PDS5A: variants seen among roughly 807,000 people sequenced by gnomAD.
PDS5A encodes the protein PDS5 cohesin associated factor A, also known as sister chromatid cohesion protein PDS5 homolog A.
PDS5A carries 42 observed loss-of-function variants against 167.1 expected under a neutral mutation model. The ratio of observed to expected loss-of-function variants is 0.25; its 90% CI spans 0.20 to 0.33. The LOEUF (loss-of-function observed/expected upper bound fraction) is 0.33, where lower values mean the gene tolerates loss of function less well. PDS5A is among the 10% of genes least tolerant of loss of function. PDS5A has a pLI of 1.00. For synonymous variants in PDS5A, 553 were observed against 554.6 expected, an observed-to-expected ratio of 1.00 and a Z score of 0.04; for missense variants, 1,033 against 1,605.9, an observed-to-expected ratio of 0.64 and a Z score of 6.10.
At chr4:39,884,017 C>T (rs111901032) in intron 17 of PDS5A, among the ~76,000 whole-genome samples, 3,065 of 151,946 alleles carry the variant, frequency 0.02, 112 homozygotes, top group African/African-American at 0.071. Flanking sequence ...CAACCTCCGC[C>T]TCCTAGGTTC....
intron 17 of PDS5A, among the ~76,000 whole-genome samples, chr4:39,887,921 C>A (rs1721619735): frequency 6.6e-6 from 1 of 151,784 alleles, no homozygotes; most frequent in African/African-American, 2.4e-5. Flanking sequence ...ACCAGACAAA[C>A]AAAAAATCAA....
At chr4:39,947,191 C>T (rs984537340) in intron 2 of PDS5A, among the ~76,000 whole-genome samples, 4 of 152,092 alleles carry the variant, frequency 2.6e-5, no homozygotes, top group South Asian at 2.1e-4. Context: ...TGGTGGTTCA[C>T]GCCTGTAATC....
intron 2 of PDS5A, among the ~76,000 whole-genome samples, chr4:39,949,022 G>C (rs1202291898): frequency 6.6e-6 from 1 of 152,008 alleles, no homozygotes; most frequent in Non-Finnish European, 1.5e-5. Context: ...ATGAAAGCCA[G>C]GCATGGTGGC....
In PDS5A at chr4:39,913,665, T is replaced by C. The variant is rs1478963053; in HGVS notation, c.938A>G (p.Lys313Arg). Residue 313 changes from lysine (K) to arginine (R), a missense_variant, in exon 9 of 33, where the codon AAA becomes AGA. By Grantham distance (26) the Lys-to-Arg change is conservative. Around this residue, in one of 4 missense-constraint regions of PDS5A, gnomAD observed 388 missense variants for 615.1 expected, o/e 0.63. Coordinates refer to ENST00000303538, the MANE Select transcript of PDS5A (RefSeq NM_001100399.2). ...ATTCTGTGTTGCCAAATCAGAATCTTTGGAGCCAAACAATTTAGCTAGAAG... is the reference window on the plus strand; with the variant it reads ...ATTCTGTGTTGCCAAATCAGAATCTCTGGAGCCAAACAATTTAGCTAGAAG... The part of the protein sequence containing the change: ...VRLLAKLFGS[K>R]DSDLATQNRP... 1.3e-5 allele frequency: 21 copies of C among 1,612,780 alleles called. No individual in the cohort carries two copies. The highest frequency in any genetic ancestry group is 1.8e-5 in the Non-Finnish European group (21 of 1,178,826).
At chr4:39,836,894 T>A (rs1048304960) in intron 32 of PDS5A, 8 of 150,790 alleles carry the variant, frequency 5.3e-5, no homozygotes, top group African/African-American at 1.9e-4. Context: ...CTGCAACCTC[T>A]GCCTCCTGGG....
intron 2 of PDS5A, among the ~76,000 whole-genome samples, chr4:39,965,772 G>A (rs572915335): frequency 3.7e-4 from 57 of 152,296 alleles, no homozygotes; most frequent in African/African-American, 1.3e-3. Context: ...GTTGTTGCCA[G>A]GAGCTGGGGA....
chr4:39,923,702 C>T (rs1049679252), intron 5 of PDS5A, among the ~76,000 whole-genome samples: 4 of 148,376 alleles, frequency 2.7e-5, no homozygotes, highest in Non-Finnish European at 3.0e-5. Context: ...AACACTTCTG[C>T]TTACATGCCC....
At chr4:39,825,828 T>C (rs1715253163) in intron 32 of PDS5A, among the ~76,000 whole-genome samples, 1 of 152,118 alleles carries the variant, frequency 6.6e-6, no homozygotes, top group African/African-American at 2.4e-5. Context: ...CTTCAACTCC[T>C]GAGCTCAAGC....
rs1333144278 is a variant in PDS5A at position 39,869,563 on chromosome 4, C to G, written c.2437-101G>C. On this transcript the variant is annotated intron_variant, in intron 21 of 32. Transcript: ENST00000303538. The stretch of plus-strand genomic sequence containing the variant: ...TTGATCAACACAGCCTCTGAGAAAC[C>G]TACGGGAACATCACCAACCAGAGCT... 3 of 735,840 alleles carry G rather than the reference C, an allele frequency of 4.1e-6. No individual in the cohort carries two copies. The East Asian group carries it at 7.4e-5, about 18-fold the overall frequency. 45.6% of individuals were successfully genotyped at this position (735,840 alleles called of 1,614,324 possible). A position where few individuals can be genotyped will look rare whatever the true frequency, so the allele number is the denominator to read the frequency against.
rs377540159 is a variant in PDS5A, at chr4:39,849,659, G to A, written c.3087-7C>T. ...AAGCATGAACCATAGGCACCTAAATGTAAACATATTAAAGAGACTAGACGT... is the reference window on the plus strand; with the variant it reads ...AAGCATGAACCATAGGCACCTAAATATAAACATATTAAAGAGACTAGACGT... On this transcript the variant is annotated splice_region_variant and splice_polypyrimidine_tract_variant and intron_variant, in intron 26 of 32. Transcript: ENST00000303538. The A allele has an allele frequency of 1.6e-5, 25 of 1,601,232 alleles. No individual in the cohort carries two copies. The highest frequency in any genetic ancestry group is 2.1e-5 in the Non-Finnish European group (24 of 1,169,460).
chr4:39,876,850 C>T, intron 19 of PDS5A, 143 bp downstream of exon 19: 3 of 539,400 alleles, frequency 5.6e-6, no homozygotes, highest in Non-Finnish European at 9.6e-6. Context: ...AAAGACAAAG[C>T]AGAGGAGGAC....
chr4:39,872,199 AG>A (rs1720101832), intron 21 of PDS5A, among the ~76,000 whole-genome samples: 2 of 132,106 alleles, frequency 1.5e-5, no homozygotes, highest in African/African-American at 5.6e-5. Context: ...TTTTTGAGAC[AG>A]AGTTTCGCTC....
At chr4:39,866,112 TTTTATTTA>T (rs969434428) in intron 23 of PDS5A, among the ~76,000 whole-genome samples, 1 of 152,122 alleles carries the variant, frequency 6.6e-6, no homozygotes. Flanking sequence ...CAATTTTTAT[TTTTATTTA>T]TTTATTTATT....
At chr4:39,949,821 G>GAAAAAAGAAAAAAA (rs1553907229) in intron 2 of PDS5A, among the ~76,000 whole-genome samples, 1 of 67,186 alleles carries the variant, frequency 1.5e-5, no homozygotes, top group Non-Finnish European at 2.6e-5. Context: ...CTCTGTCTCA[G>GAAAAAAGAAAAAAA]AAAAAAAAAA....
intron 17 of PDS5A, among the ~76,000 whole-genome samples, chr4:39,880,992 T>C (rs908651545): frequency 4.6e-5 from 7 of 152,128 alleles, no homozygotes; most frequent in Non-Finnish European, 1.0e-4. Context: ...TCTGTTCTGT[T>C]CTTTGCTTCT....
intron 16 of PDS5A, among the ~76,000 whole-genome samples, chr4:39,895,557 T>C (rs1722331614): frequency 6.6e-6 from 1 of 152,158 alleles, no homozygotes; most frequent in Non-Finnish European, 1.5e-5. Context: ...AAGTGGTGAG[T>C]GAATGTGAAG....
chr4:39,976,756 T>C, intron 1 of PDS5A, 139 bp from the exon 2 acceptor site: 1 of 479,282 alleles, frequency 2.1e-6, no homozygotes, highest in Non-Finnish European at 3.7e-6. Context: ...CACCCGCTCT[T>C]TCCCAGGGAT....
At chr4:39,879,943 T>C in intron 17 of PDS5A, 110 bp from the exon 18 acceptor site, 1 of 604,098 alleles carries the variant, frequency 1.7e-6, no homozygotes, top group East Asian at 2.8e-5. Flanking sequence ...TCAAAGGAGT[T>C]TCTGTGGGGG....
chr4:39,863,887 T>A (rs984432402), intron 23 of PDS5A, among the ~76,000 whole-genome samples: 1 of 152,118 alleles, frequency 6.6e-6, no homozygotes, highest in African/African-American at 2.4e-5. Context: ...TCCCAGCACA[T>A]TGGGAGGCCG....
Sources: allele counts gnomAD v4.1 joint callset (sites outside exome capture counted in the v4.1 genomes callset), GRCh38; gene constraint gnomAD v4.1.1; regional missense constraint gnomAD v4.1.1; transcripts MANE v1.5; gene names NCBI Gene and HGNC (gene_info 2026-07-23, HGNC 2026-07-21).